The following CDK5RAP2 variants were observed in gnomAD, a reference collection of about 807,000 sequenced individuals.
The protein encoded by CDK5RAP2 is CDK5 regulatory subunit-associated protein 2.
CDK5RAP2 carries 147 observed loss-of-function variants against 232.9 expected under a neutral mutation model. The ratio of observed to expected loss-of-function variants is 0.63; its 90% CI spans 0.55 to 0.72. The LOEUF is 0.72. Ranked by LOEUF, CDK5RAP2 falls within the 30% of genes least tolerant of loss-of-function variation. CDK5RAP2 has a pLI of 0.00. For missense variants in CDK5RAP2, 2,195 were observed against 2,231.5 expected (o/e 0.98, Z 0.33); for synonymous variants, 833 against 833.7 (o/e 1.00, Z 0.01).
At chr9:120,429,828 C>T (rs2035165103) in intron 25 of CDK5RAP2, among the ~76,000 whole-genome samples, 1 of 152,150 alleles carries the variant, frequency 6.6e-6, no homozygotes, top group African/African-American at 2.4e-5. Context: ...AAGAACAAAG[C>T]TGGAGGCATC....
chr9:120,480,206 T>C (rs2038226842), intron 14 of CDK5RAP2, among the ~76,000 whole-genome samples: 1 of 152,186 alleles, frequency 6.6e-6, no homozygotes, highest in Admixed American at 6.5e-5. Context: ...GTAGTTTATA[T>C]TGACTTGTGT....
intron 2 of CDK5RAP2, among the ~76,000 whole-genome samples, chr9:120,571,321 G>A (rs1055722688): frequency 1.8e-4 from 28 of 151,944 alleles, no homozygotes; most frequent in Non-Finnish European, 1.0e-4. Context: ...CTGTGGAGAA[G>A]AGAAAAAAAA....
intron 27 of CDK5RAP2, among the ~76,000 whole-genome samples, chr9:120,419,273 C>G (rs1588284393): frequency 6.6e-6 from 1 of 152,194 alleles, no homozygotes; most frequent in East Asian, 1.9e-4. Context: ...CTATGGCGTT[C>G]TGTTACAACA....
chr9:120,458,501 T>C lies in CDK5RAP2; in HGVS notation c.2324A>G (p.Asn775Ser). ...CTCATTGAACAAAGGGGCAAGCAGG[T>C]TTATGAATGCACCTTCTTCTAGGCA... ...PGCLEEGAFI[N>S]LLAPLFNEKA... The change falls in exon 20 of 38, where the codon AAC becomes AGC. Residue 775 changes from asparagine (N) to serine (S), a missense_variant. Coordinates refer to ENST00000349780, the MANE Select transcript of CDK5RAP2 (RefSeq NM_018249.6). 1 of 1,614,132 alleles carries C rather than the reference T, an allele frequency of 6.2e-7. No individual in the cohort carries two copies. Among genetic ancestry groups the C allele is most frequent in the Non-Finnish European group, 8.5e-7 (1 of 1,180,014 alleles).
chr9:120,460,540 A>G, intron 19 of CDK5RAP2, 32 bp downstream of exon 19: 2 of 1,602,510 alleles, frequency 1.2e-6, no homozygotes, highest in Non-Finnish European at 1.7e-6. Context: ...AGTGGAGTAG[A>G]TGAAATAAGG....
intron 28 of CDK5RAP2, among the ~76,000 whole-genome samples, chr9:120,413,752 T>C (rs898082153): frequency 2.7e-5 from 4 of 150,070 alleles, no homozygotes; most frequent in African/African-American, 4.9e-5. Context: ...ATAACTCAGA[T>C]CAATCAATTT....
chr9:120,546,186 C>T (rs1296945398), intron 4 of CDK5RAP2, among the ~76,000 whole-genome samples: 1 of 152,098 alleles, frequency 6.6e-6, no homozygotes, highest in Non-Finnish European at 1.5e-5. Context: ...TGTTTACAAT[C>T]ATGCATGTGG....
At chr9:120,573,112 G>T (rs2042912455) in intron 1 of CDK5RAP2, among the ~76,000 whole-genome samples, 1 of 152,180 alleles carries the variant, frequency 6.6e-6, no homozygotes, top group African/African-American at 2.4e-5. Flanking sequence ...CTCTTTCCAT[G>T]CCTCTAAATC....
intron 11 of CDK5RAP2, among the ~76,000 whole-genome samples, chr9:120,524,270 C>T (rs2040800985): frequency 6.6e-6 from 1 of 152,182 alleles, no homozygotes; most frequent in African/African-American, 2.4e-5. Context: ...TTAGCAATTA[C>T]CACACTAAAA....
chr9:120,434,649 G>A (rs553827266), intron 25 of CDK5RAP2, among the ~76,000 whole-genome samples: 42 of 152,272 alleles, frequency 2.8e-4, no homozygotes, highest in African/African-American at 8.4e-4. Context: ...GATGGAAGAC[G>A]TGCAGAAGGC....
At position 120,416,174 on chromosome 9, in the gene CDK5RAP2, G is replaced by A. The variant is rs1041197090; in HGVS notation, c.4178-1015C>T. Among the ~76,000 whole-genome samples, 3 of 152,128 alleles carry A rather than the reference G, an allele frequency of 2.0e-5. No homozygotes were observed. The South Asian group carries it at 6.2e-4, about 31-fold the overall frequency. ...GGCCGGGCGTCCTCTAATTCAGTTG[G>A]ACCTGAAGATAGCGTTAGATCCACA... On this transcript the variant is annotated intron_variant, in intron 27 of 37. Transcript: ENST00000349780.
intron 4 of CDK5RAP2, among the ~76,000 whole-genome samples, chr9:120,546,205 G>A (rs1032253263): frequency 5.3e-5 from 8 of 152,178 alleles, no homozygotes; most frequent in Non-Finnish European, 8.8e-5. Context: ...GGTGGATGCA[G>A]CAGTGGGAAC....
At chr9:120,543,420 T>A (rs951213370) in intron 5 of CDK5RAP2, among the ~76,000 whole-genome samples, 2 of 152,210 alleles carry the variant, frequency 1.3e-5, no homozygotes, top group African/African-American at 2.4e-5. Context: ...ACTTCTCATA[T>A]TCCCTCAGAC....
At chr9:120,389,887 T>A in intron 36 of CDK5RAP2, 100 bp from the exon 37 acceptor site, 1 of 1,069,030 alleles carries the variant, frequency 9.4e-7, no homozygotes, top group South Asian at 1.3e-5. Context: ...CCCAAAGGGC[T>A]CGGACATGTA....
At chr9:120,422,645 G>T in intron 26 of CDK5RAP2, 48 bp downstream of exon 26, 2 of 1,425,090 alleles carry the variant, frequency 1.4e-6, no homozygotes, top group Non-Finnish European at 2.0e-6. Flanking sequence ...AGGTAAATCA[G>T]ACCTAGAAAG....
chr9:120,528,844 C>G, intron 8 of CDK5RAP2, 47 bp from the exon 9 acceptor site: 1 of 1,290,334 alleles, frequency 7.7e-7, no homozygotes, highest in Non-Finnish European at 1.1e-6. Context: ...TGCAATCCAA[C>G]AGCTTCTCCA....
In CDK5RAP2 at chr9:120,550,910, A is replaced by G. The variant is rs749191639; in HGVS notation, c.196-8T>C. 2.0e-6 allele frequency: 3 copies of G among 1,531,478 alleles called. No homozygotes were observed. The highest frequency in any genetic ancestry group is 2.7e-6 in the Non-Finnish European group (3 of 1,104,618). The allele number at this position is 1,531,478 out of a possible 1,614,324, so 94.9% of individuals were successfully genotyped here. ...CTTCAATTCAGTGATTTGCTGAAAA[A>G]TATCACAGAAGGGTCATCAAAAGCA... is the stretch of plus-strand genomic sequence containing the variant. On this transcript the variant is annotated splice_region_variant and splice_polypyrimidine_tract_variant and intron_variant, in intron 3 of 37. Coordinates refer to ENST00000349780, the MANE Select transcript of CDK5RAP2 (RefSeq NM_018249.6).
chr9:120,549,366 G>C lies in CDK5RAP2; in HGVS notation c.306+1426C>G, dbSNP rs528050972. Among the ~76,000 whole-genome samples, 55 of 152,290 alleles carry C rather than the reference G, an allele frequency of 3.6e-4. 1 individual carries two copies. The highest frequency in any genetic ancestry group is 1.3e-3 in the African/African-American group (53 of 41,562). ...AGGACCAGGACACAAGGGTGGAAGA[G>C]TGTTTTCAGTGTATATCTCTTAGGC... On this transcript the variant is annotated intron_variant, in intron 4 of 37. Coordinates refer to ENST00000349780, the MANE Select transcript of CDK5RAP2 (RefSeq NM_018249.6).
At chr9:120,497,421 T>TAAAAAAAAAAAAAAAAAA (rs71385064) in intron 12 of CDK5RAP2, among the ~76,000 whole-genome samples, 13 of 23,296 alleles carry the variant, frequency 5.6e-4, no homozygotes, top group Non-Finnish European at 6.6e-4. Flanking sequence ...AAAATAAATT[T>TAAAAAAAAAAAAAAAAAA]AAAAAAAAAA....
Sources: allele counts gnomAD v4.1 joint callset (sites outside exome capture counted in the v4.1 genomes callset), GRCh38; gene constraint gnomAD v4.1.1; transcripts MANE v1.5; gene names NCBI Gene and HGNC (gene_info 2026-07-23, HGNC 2026-07-21).